The following GALNT11 variants were observed in gnomAD, a reference collection of about 807,000 sequenced individuals.
GALNT11 encodes the protein UDP-GalNAc:polypeptide N-acetylgalactosaminyltransferase 11.
A neutral mutation model predicts 72.7 loss-of-function variants in GALNT11; 47 were observed. That is an observed-to-expected ratio of 0.65 (90% CI 0.51 to 0.82). GALNT11 has a LOEUF of 0.82. GALNT11 is among the 40% of genes least tolerant of loss of function. The pLI is 0.00. For missense variants in GALNT11, 677 were observed against 778.4 expected (o/e 0.87, Z 1.55); for synonymous variants, 270 against 286.6 (o/e 0.94, Z 0.58).
intron 3 of GALNT11, 89 bp from the exon 4 acceptor site, chr7:152,103,023 C>A: frequency 2.4e-5 from 28 of 1,174,152 alleles, no homozygotes; most frequent in South Asian, 6.7e-5. Context: ...AGAGGGTGAA[C>A]AAGGGGACAG....
intron 4 of GALNT11, 42 bp from the exon 5 acceptor site, chr7:152,105,203 A>G (rs1253896892): frequency 2.5e-6 from 4 of 1,583,914 alleles, no homozygotes; most frequent in Non-Finnish European, 3.4e-6. Flanking sequence ...GTCTTTATAT[A>G]TGTCTCATAC....
chr7:152,117,497 C>G lies in GALNT11; in HGVS notation c.1452+122C>G. 5.3e-6 allele frequency: 5 copies of G among 944,702 alleles called. No individual in the cohort carries two copies. In the South Asian group the frequency reaches 8.0e-5, roughly 15 times the overall value. The allele number at this position is 944,702 out of a possible 1,614,324, so 58.5% of individuals were successfully genotyped here. A position where few individuals can be genotyped will look rare whatever the true frequency, so the allele number is the denominator to read the frequency against. ...AACAGAGTGTAATGACAGGCTTCAG[C>G]TTGCCTTTCATTATATTCTCTTTAT... On this transcript the variant is annotated intron_variant, in intron 9 of 11. Transcript: ENST00000430044.
intron 2 of GALNT11, among the ~76,000 whole-genome samples, chr7:152,096,672 G>T (rs1452057155): frequency 1.4e-5 from 2 of 146,508 alleles, no homozygotes; most frequent in Non-Finnish European, 3.0e-5. Context: ...TCAAGATCGC[G>T]CCATTGTACT....
chr7:152,029,851 T>C (rs2082220477), intron 1 of GALNT11, among the ~76,000 whole-genome samples: 1 of 152,246 alleles, frequency 6.6e-6, no homozygotes, highest in African/African-American at 2.4e-5. Context: ...AAGATTTAGA[T>C]CCCCTGTTAG....
At chr7:152,045,004 A>G (rs946082724) in intron 1 of GALNT11, among the ~76,000 whole-genome samples, 1 of 152,146 alleles carries the variant, frequency 6.6e-6, no homozygotes, top group South Asian at 2.1e-4. Context: ...AGGATGTTTA[A>G]TTTTACCAAA....
chr7:152,037,148 A>G (rs1385871176), intron 1 of GALNT11, among the ~76,000 whole-genome samples: 1 of 152,140 alleles, frequency 6.6e-6, no homozygotes, highest in African/African-American at 2.4e-5. Context: ...TGCCTAGTTC[A>G]ATGTTCTGGA....
At chr7:152,080,799 T>TA (rs1227002384) in intron 1 of GALNT11, among the ~76,000 whole-genome samples, 2,516 of 139,372 alleles carry the variant, frequency 0.018, 64 homozygotes, top group African/African-American at 0.059. Context: ...CCATCTCTAA[T>TA]AAAAAAAAAA....
rs1471925955 is a variant in GALNT11, at chr7:152,118,659, G to A, written c.1453-19G>A. 4 of 1,605,510 alleles carry A rather than the reference G, an allele frequency of 2.5e-6. No individual in the cohort carries two copies. In the East Asian group the frequency reaches 9.0e-5, roughly 36 times the overall value. On this transcript the variant is annotated intron_variant, in intron 9 of 11. Coordinates refer to ENST00000430044, the MANE Select transcript of GALNT11 (RefSeq NM_022087.4). ...TCTGGGATTGTTTCCCACATTCTGA[G>A]CTGTGCCTTCTCTTACAGCTCTATC...
chr7:152,061,666 G>A (rs1327313293), intron 1 of GALNT11, among the ~76,000 whole-genome samples: 2 of 152,126 alleles, frequency 1.3e-5, no homozygotes, highest in East Asian at 1.9e-4. Flanking sequence ...GTGTAAGGAA[G>A]GGATCCAGTT....
At position 152,121,787 on chromosome 7, in the gene GALNT11, G is replaced by T; in HGVS notation, c.*110G>T. On this transcript the variant is annotated 3_prime_UTR_variant, in exon 12 of 12. Transcript: ENST00000430044. ...GGAGCAGAACCATCTTGGAGAAGAT[G>T]ACAGTTCCCTGTCCTCCCGGAGATG... The T allele has an allele frequency of 7.2e-7, 1 of 1,386,268 alleles. No homozygotes were observed. The highest frequency in any genetic ancestry group is 9.8e-7 in the Non-Finnish European group (1 of 1,020,542). 85.9% of individuals were successfully genotyped at this position (1,386,268 alleles called of 1,614,324 possible).
At chr7:152,099,015 G>A (rs2086574987) in intron 2 of GALNT11, among the ~76,000 whole-genome samples, 1 of 152,124 alleles carries the variant, frequency 6.6e-6, no homozygotes, top group African/African-American at 2.4e-5. Context: ...CATGATCTTG[G>A]CTTGCTGCAT....
chr7:152,104,096 G>C (rs969215731), intron 4 of GALNT11: 4 of 152,204 alleles, frequency 2.6e-5, no homozygotes, highest in African/African-American at 9.6e-5. Flanking sequence ...ACCCAAACAG[G>C]ATAGAAGGCT....
intron 10 of GALNT11, chr7:152,120,545 T>C: frequency 3.1e-6 from 1 of 324,890 alleles, no homozygotes; most frequent in East Asian, 8.6e-5. Flanking sequence ...ATTAAGAGAG[T>C]TATGTAATTG....
In GALNT11 at chr7:152,094,310, T is replaced by C. The variant is rs755889516; in HGVS notation, c.83T>C (p.Phe28Ser). 1 of 1,614,186 alleles carries C rather than the reference T, an allele frequency of 6.2e-7. No homozygotes were observed. Among genetic ancestry groups the C allele is most frequent in the Non-Finnish European group, 8.5e-7 (1 of 1,180,030 alleles). ...TGGACAGTTTTGCTTTTTGTTTATT[T>C]CAACTTCAGTGAAGTGACTCAGCCA... is the stretch of plus-strand genomic sequence containing the variant. Reference protein sequence around the residue: ...ATWTVLLFVYFNFSEVTQPLK... With the variant: ...ATWTVLLFVYSNFSEVTQPLK... The change falls in exon 2 of 12, where the codon TTC becomes TCC. Residue 28 changes from phenylalanine to serine, a missense_variant. Physicochemically the swap from Phe to Ser is radical, Grantham distance 155. Coordinates refer to ENST00000430044, the MANE Select transcript of GALNT11 (RefSeq NM_022087.4). This position sits in a 1 kb window ranked among gnomAD's most constrained non-coding sequence, Gnocchi z 4.3.
At chr7:152,036,039 G>A (rs920323829) in intron 1 of GALNT11, among the ~76,000 whole-genome samples, 2 of 152,158 alleles carry the variant, frequency 1.3e-5, no homozygotes, top group Admixed American at 6.5e-5. Flanking sequence ...GACTGGGCTT[G>A]AAGAGGGAGG....
At chr7:152,109,080 C>T (rs552685822) in intron 6 of GALNT11, among the ~76,000 whole-genome samples, 3 of 152,332 alleles carry the variant, frequency 2.0e-5, no homozygotes, top group Non-Finnish European at 4.4e-5. Context: ...CCATTTCTTA[C>T]GTAGCAGTAT....
At chr7:152,063,347 TTC>T (rs896892331) in intron 1 of GALNT11, among the ~76,000 whole-genome samples, 3 of 152,188 alleles carry the variant, frequency 2.0e-5, no homozygotes, top group Non-Finnish European at 4.4e-5. Flanking sequence ...TATTTGATTC[TTC>T]TCTTTTTTCT....
intron 1 of GALNT11, among the ~76,000 whole-genome samples, chr7:152,061,403 T>A (rs1358330537): frequency 1.3e-5 from 2 of 152,078 alleles, no homozygotes; most frequent in Non-Finnish European, 2.9e-5. Context: ...GATTGTAAAA[T>A]TTTTCTCCCA....
chr7:152,093,560 G>A (rs2086180697), intron 1 of GALNT11, among the ~76,000 whole-genome samples: 2 of 151,824 alleles, frequency 1.3e-5, no homozygotes, highest in South Asian at 4.2e-4. Flanking sequence ...CAAGTAGCTG[G>A]GATTATTATA....
Sources: allele counts gnomAD v4.1 joint callset (sites outside exome capture counted in the v4.1 genomes callset), GRCh38; gene constraint gnomAD v4.1.1; non-coding constraint Gnocchi (gnomAD v3.1); transcripts MANE v1.5; gene names NCBI Gene and HGNC (gene_info 2026-07-23, HGNC 2026-07-21).